WDR97: variants seen among roughly 807,000 people sequenced by gnomAD.
WDR97 encodes the protein WD repeat domain 97, also known as WD repeat-containing protein 97.
Under a neutral mutation model 65.4 loss-of-function variants are expected in WDR97, and 111 were observed. The observed-to-expected ratio is 1.70, with a 90% CI of 1.45 to 1.99. WDR97 has a LOEUF of 1.99. WDR97 is among the 30% of genes most tolerant of loss of function. The probability of loss-of-function intolerance (pLI) is 0.00; values close to 1 mark genes in which losing one functional copy is unlikely to be tolerated. For missense variants in WDR97, 1,674 were observed against 865.0 expected (o/e 1.94, Z -11.73); for synonymous variants, 802 against 397.7 (o/e 2.02, Z -12.10).
Position 144,110,997 on chromosome 8 carries a change from G to A in WDR97, c.2304+1G>A. ...CCTGCCTACATCCTACCTAGTTAAGGTGTGTGGTGAGGACAGAGTGAGCAA... is the reference window on the plus strand; with the variant it reads ...CCTGCCTACATCCTACCTAGTTAAGATGTGTGGTGAGGACAGAGTGAGCAA... On this transcript the variant is annotated splice_donor_variant, in intron 9 of 23. Coordinates refer to ENST00000323662, the MANE Select transcript of WDR97 (RefSeq NM_001316309.2). LOFTEE classifies it high-confidence loss of function. 2 of 702,774 alleles carry A rather than the reference G, an allele frequency of 2.8e-6. No homozygotes were observed. The highest frequency in any genetic ancestry group is 5.2e-6 in the Non-Finnish European group (2 of 384,970). The allele number at this position is 702,774 out of a possible 1,614,324, so 43.5% of individuals were successfully genotyped here. A position where few individuals can be genotyped will look rare whatever the true frequency, so the allele number is the denominator to read the frequency against.
chr8:144,109,319 T>C lies in WDR97; in HGVS notation c.1001-16T>C. The C allele has an allele frequency of 1.4e-6, 1 of 701,626 alleles. No individual in the cohort carries two copies. Among genetic ancestry groups the C allele is most frequent in the Non-Finnish European group, 2.6e-6 (1 of 384,400 alleles). The allele number at this position is 701,626 out of a possible 1,614,324, so 43.5% of individuals were successfully genotyped here. On this transcript the variant is annotated splice_polypyrimidine_tract_variant and intron_variant, in intron 4 of 23. Coordinates refer to ENST00000323662, the MANE Select transcript of WDR97 (RefSeq NM_001316309.2). The stretch of plus-strand genomic sequence containing the variant: ...CCTGCCTTCAGTCGGCCGAGTGACC[T>C]GCACCCCTCCCACAGGCCCGGTGAC...
Position 144,115,377 on chromosome 8 carries a change from C to T in WDR97, c.4114C>T (p.Pro1372Ser), listed in dbSNP as rs751497625. 10 of 617,090 alleles carry T rather than the reference C, an allele frequency of 1.6e-5. No individual in the cohort carries two copies. The highest frequency in any genetic ancestry group is 2.6e-5 in the Non-Finnish European group (9 of 341,290). The allele number at this position is 617,090 out of a possible 1,614,324, so 38.2% of individuals were successfully genotyped here. ...GCAGACGTCAGTGGTCTCTGGGGCA[C>T]CCACACGCGCCTCCGTGATACCCTC... ...PSQTSVVSGA[P>S]TRASVIPSGT... The change falls in exon 22 of 24, where the codon CCC becomes TCC. Residue 1372 changes from proline to serine, a missense_variant. Pro to Ser is a moderately conservative substitution (Grantham distance 74, BLOSUM62 -1). Transcript: ENST00000323662.
rs1836515364 is a variant in WDR97, at chr8:144,110,098, C to T, written c.1701-16C>T. 1.1e-5 allele frequency: 8 copies of T among 701,456 alleles called. No individual in the cohort carries two copies. Among genetic ancestry groups the T allele is most frequent in the Non-Finnish European group, 2.1e-5 (8 of 384,132 alleles). 43.5% of individuals were successfully genotyped at this position (701,456 alleles called of 1,614,324 possible). A position where few individuals can be genotyped will look rare whatever the true frequency, so the allele number is the denominator to read the frequency against. ...GAGCGGCAGGGTCCGCGCCAACAGG[C>T]TCTTCCCACTCGCAGGTACCTGCCA... On this transcript the variant is annotated splice_polypyrimidine_tract_variant and intron_variant, in intron 5 of 23. Coordinates refer to ENST00000323662, the MANE Select transcript of WDR97 (RefSeq NM_001316309.2).
rs1587627998 is a variant in WDR97, at chr8:144,113,861, T to TC, written c.3390dup (p.Trp1131LeufsTer40). The TC allele has an allele frequency of 1.4e-6, 1 of 695,818 alleles. No homozygotes were observed. Among genetic ancestry groups the TC allele is most frequent in the East Asian group, 2.7e-5 (1 of 37,120 alleles). 43.1% of individuals were successfully genotyped at this position (695,818 alleles called of 1,614,324 possible). ...CCCGCACTCCAACCAGCAGCTGGATTCCTGGGAACTGGAGGATCAGGTAGA... is the reference window on the plus strand; with the variant it reads ...CCCGCACTCCAACCAGCAGCTGGATTCCCTGGGAACTGGAGGATCAGGTAGA... On this transcript the variant is annotated frameshift_variant, in exon 17 of 24. Transcript: ENST00000323662. LOFTEE classifies it high-confidence loss of function.
rs1340275170 is a variant in WDR97 at position 144,109,430 on chromosome 8, G to A, written c.1096G>A (p.Ala366Thr). The change falls in exon 5 of 24, where the codon GCG (alanine) becomes ACG (threonine). Residue 366 changes from alanine (A) to threonine (T), a missense_variant. Ala to Thr is a moderately conservative substitution (Grantham distance 58). Transcript: ENST00000323662. ...ACGCACCTGGGACCTGCAGGCGGCG[G>A]CGCAGGTGGGCGAGGTAGCGCTGGG... is the stretch of plus-strand genomic sequence containing the variant. ...TLRTWDLQAA[A>T]QVGEVALGFW... is the part of the protein sequence containing the mutation. 1.4e-6 allele frequency: 1 copy of A among 702,034 alleles called. No homozygotes were observed. The allele number at this position is 702,034 out of a possible 1,614,324, so 43.5% of individuals were successfully genotyped here.
At position 144,108,142 on chromosome 8, in the gene WDR97, G is replaced by T. The variant is rs925544281; in HGVS notation, c.196G>T (p.Ala66Ser). ...GCAAAGCCTGACCCCGCGCGCCCGC[G>T]CCCGCCGGCTGTGGCTGCTTCTGCG... ...QWQSLTPRAR[A>S]RRLWLLLRTS... The change falls in exon 2 of 24, where the codon GCC becomes TCC. Residue 66 changes from alanine (A) to serine (S), a missense_variant. Coordinates refer to ENST00000323662, the MANE Select transcript of WDR97 (RefSeq NM_001316309.2). 13 of 702,270 alleles carry T rather than the reference G, an allele frequency of 1.9e-5. No individual in the cohort carries two copies. The highest frequency in any genetic ancestry group is 1.7e-4 in the African/African-American group (10 of 57,272). The allele number at this position is 702,270 out of a possible 1,614,324, so 43.5% of individuals were successfully genotyped here. A position where few individuals can be genotyped will look rare whatever the true frequency, so the allele number is the denominator to read the frequency against.
In WDR97 at chr8:144,108,114, G is replaced by A. The variant is rs748960677; in HGVS notation, c.168G>A (p.Gln56=). The change falls in exon 2 of 24, where the codon CAG becomes CAA. Residue 56 remains glutamine (Q), a synonymous_variant. Transcript: ENST00000323662. ...QVLPFLTSSQ[Q]WQSLTPRARA... The stretch of plus-strand genomic sequence containing the variant: ...TGCCCTTTTTGACCAGCAGCCAACA[G>A]TGGCAAAGCCTGACCCCGCGCGCCC... The A allele has an allele frequency of 4.3e-6, 3 of 702,670 alleles. No individual in the cohort carries two copies. The highest frequency in any genetic ancestry group is 1.5e-5 in the South Asian group (1 of 67,600). The allele number at this position is 702,670 out of a possible 1,614,324, so 43.5% of individuals were successfully genotyped here.
chr8:144,109,893 C>T lies in WDR97; in HGVS notation c.1559C>T (p.Pro520Leu). Residue 520 changes from proline to leucine, a missense_variant, in exon 5 of 24, where the codon CCT (proline) becomes CTT (leucine). Coordinates refer to ENST00000323662, the MANE Select transcript of WDR97 (RefSeq NM_001316309.2). ...CACCGCGTGTGCCCGCCGCCGCCCC[C>T]TGCGCCGCAGCCTTGCTGTCTGCAC... The part of the protein sequence containing the change: ...VLHRVCPPPP[P>L]APQPCCLHLY... 1.4e-6 allele frequency: 1 copy of T among 701,666 alleles called. No individual in the cohort carries two copies. The highest frequency in any genetic ancestry group is 2.6e-6 in the Non-Finnish European group (1 of 384,394). The allele number at this position is 701,666 out of a possible 1,614,324, so 43.5% of individuals were successfully genotyped here.
Position 144,108,817 on chromosome 8 carries a change from C to T in WDR97, c.751C>T (p.Arg251Cys), listed in dbSNP as rs552234260. ...CCCGAGCCCAACAGGCAGGCTCATG[C>T]GTCTGGCTGTGGCGCCGGTTCCTCC... ...PPPSPTGRLM[R>C]LAVAPVPPHH... Residue 251 changes from arginine to cysteine, a missense_variant, in exon 3 of 24, where the codon CGT (arginine) becomes TGT (cysteine). Physicochemically the swap from Arg to Cys is radical, Grantham distance 180 (BLOSUM62 -3). Coordinates refer to ENST00000323662, the MANE Select transcript of WDR97 (RefSeq NM_001316309.2). 9.4e-5 allele frequency: 66 copies of T among 702,788 alleles called. No homozygotes were observed. In the African/African-American group the frequency reaches 1.0e-3, roughly 11 times the overall value. 43.5% of individuals were successfully genotyped at this position (702,788 alleles called of 1,614,324 possible).
At chr8:144,113,211 C>T in intron 15 of WDR97, 2 of 567,520 alleles carry the variant, frequency 3.5e-6, no homozygotes, top group Admixed American at 3.3e-5. Context: ...GGTTTCCCTT[C>T]TCGTTTGTCA....
rs1011352597 is a variant in WDR97 at position 144,115,202 on chromosome 8, T to C, written c.4078-139T>C. ...GCAGAAGGGAGTTTCAGTGGCCATG[T>C]GGATGCTCGAGGAGCCAGGGTGCTT... is the stretch of plus-strand genomic sequence containing the variant. On this transcript the variant is annotated intron_variant, in intron 21 of 23. Transcript: ENST00000323662. 70 of 566,224 alleles carry C rather than the reference T, an allele frequency of 1.2e-4. No homozygotes were observed. The African/African-American group carries it at 1.3e-3, about 11-fold the overall frequency. The allele number at this position is 566,224 out of a possible 1,614,324, so 35.1% of individuals were successfully genotyped here. A position where few individuals can be genotyped will look rare whatever the true frequency, so the allele number is the denominator to read the frequency against.
At position 144,111,049 on chromosome 8, in the gene WDR97, G is replaced by A; in HGVS notation, c.2305-52G>A. ...GTGGGCCCCCCTTGCTCACCTTGGG[G>A]GGCAGACCCAGGTTCCCCCAGCCAG... On this transcript the variant is annotated intron_variant, in intron 9 of 23. Transcript: ENST00000323662. The A allele has an allele frequency of 4.3e-6, 3 of 702,542 alleles. No homozygotes were observed. In the Admixed American group the frequency reaches 6.0e-5, roughly 14 times the overall value. The allele number at this position is 702,542 out of a possible 1,614,324, so 43.5% of individuals were successfully genotyped here.
Position 144,116,463 on chromosome 8 carries a change from G to C in WDR97, c.*170G>C, listed in dbSNP as rs138376627. ...GCGTGCGGCCTGAACCCACAGTGGC[G>C]GCGGAAGGCAGGAGCCGGAGGCCTG... is the stretch of plus-strand genomic sequence containing the variant. On this transcript the variant is annotated 3_prime_UTR_variant, in exon 24 of 24. Coordinates refer to ENST00000323662, the MANE Select transcript of WDR97 (RefSeq NM_001316309.2). 2,588 of 497,966 alleles carry C rather than the reference G, an allele frequency of 5.2e-3. 113 individuals are homozygous for C. The East Asian group carries it at 0.076, about 15-fold the overall frequency. 30.8% of individuals were successfully genotyped at this position (497,966 alleles called of 1,614,324 possible).
chr8:144,111,574 C>T (rs566502570), intron 11 of WDR97, 58 bp from the exon 12 acceptor site: 2 of 681,434 alleles, frequency 2.9e-6, no homozygotes, highest in Non-Finnish European at 5.4e-6. Flanking sequence ...CATGGTTGCC[C>T]GGGCAGCACA....
chr8:144,112,613 C>T, intron 15 of WDR97, 83 bp downstream of exon 15: 1 of 693,076 alleles, frequency 1.4e-6, no homozygotes. Context: ...TGCTACAAAT[C>T]TTTGTGTCCA....
rs1434933238 is a variant in WDR97 at position 144,114,449 on chromosome 8, AACCTGG to A, written c.3770_3775del (p.Leu1257_Asp1258del). 7 of 702,578 alleles carry A rather than the reference AACCTGG, an allele frequency of 1.0e-5. No homozygotes were observed. In the East Asian group the frequency reaches 1.9e-4, roughly 19 times the overall value. The allele number at this position is 702,578 out of a possible 1,614,324, so 43.5% of individuals were successfully genotyped here. A position where few individuals can be genotyped will look rare whatever the true frequency, so the allele number is the denominator to read the frequency against. On this transcript the variant is annotated inframe_deletion, in exon 19 of 24. Transcript: ENST00000323662. ...GCAGGGCCTGCTCGTACACTTGCTC[AACCTGG>A]ACCAGCCCCCCAGCCTCCAGGTGTG...
At position 144,116,364 on chromosome 8, in the gene WDR97, A is replaced by C. The variant is rs894726093; in HGVS notation, c.*71A>C. 1 of 566,240 alleles carries C rather than the reference A, an allele frequency of 1.8e-6. No homozygotes were observed. The highest frequency in any genetic ancestry group is 3.1e-6 in the Non-Finnish European group (1 of 319,438). The allele number at this position is 566,240 out of a possible 1,614,324, so 35.1% of individuals were successfully genotyped here. On this transcript the variant is annotated 3_prime_UTR_variant, in exon 24 of 24. Transcript: ENST00000323662. Reference sequence around the variant, plus strand: ...GTATTTGGCCAAGGCCTGCATCGGGAATAAAGTCCAGAGAATTTCTTTCTG... The same window carrying C: ...GTATTTGGCCAAGGCCTGCATCGGGCATAAAGTCCAGAGAATTTCTTTCTG...
At chr8:144,107,963 C>G (rs1836451224) in intron 1 of WDR97, 96 bp from the exon 2 acceptor site, 1 of 701,262 alleles carries the variant, frequency 1.4e-6, no homozygotes, top group South Asian at 1.5e-5. Flanking sequence ...TGGGCAGTCC[C>G]TGGTAGGGCA....
chr8:144,112,681 C>T (rs1207163293), intron 15 of WDR97, 151 bp downstream of exon 15: 12 of 641,126 alleles, frequency 1.9e-5, no homozygotes, highest in South Asian at 3.5e-5. Context: ...TAGCCTCCCA[C>T]GCACCCCTCA....
Sources: allele counts gnomAD v4.1 joint callset, GRCh38; gene constraint gnomAD v4.1.1; transcripts MANE v1.5; gene names NCBI Gene and HGNC (gene_info 2026-07-23, HGNC 2026-07-21).